Variants in UNC5D observed in about 807,000 individuals in gnomAD.
The protein encoded by UNC5D is netrin receptor UNC5D.
Under a neutral mutation model 105.4 loss-of-function variants are expected in UNC5D, and 39 were observed. The observed-to-expected ratio is 0.37, with a 90% CI of 0.29 to 0.48. The LOEUF (loss-of-function observed/expected upper bound fraction) is 0.48, where lower values mean the gene tolerates loss of function less well. Ranked by LOEUF, UNC5D falls within the 20% of genes least tolerant of loss-of-function variation. The probability of loss-of-function intolerance (pLI) is 0.98; values close to 1 mark genes in which losing one functional copy is unlikely to be tolerated. For synonymous variants in UNC5D, 452 were observed against 450.4 expected (o/e 1.00, Z -0.04); for missense variants, 991 against 1,202.4 (o/e 0.82, Z 2.60).
chr8:35,321,644 G>A (rs7824855), intron 1 of UNC5D, among the ~76,000 whole-genome samples: 68,568 of 151,994 alleles, frequency 0.45, 15,895 homozygotes, highest in East Asian at 0.7. Flanking sequence ...TACAAATACA[G>A]TCCTCTTGAG....
intron 1 of UNC5D, among the ~76,000 whole-genome samples, chr8:35,493,510 C>G (rs1484359163): frequency 6.6e-6 from 1 of 151,900 alleles, no homozygotes; most frequent in Non-Finnish European, 1.5e-5. Flanking sequence ...TTGGTCATGT[C>G]TTTGTAATTG....
chr8:35,281,986 A>G (rs1806218324), intron 1 of UNC5D, among the ~76,000 whole-genome samples: 1 of 152,178 alleles, frequency 6.6e-6, no homozygotes, highest in Non-Finnish European at 1.5e-5. Flanking sequence ...TTATTCTTTT[A>G]GGCACTAAAA....
At chr8:35,518,438 C>T (rs924133035) in intron 1 of UNC5D, among the ~76,000 whole-genome samples, 1 of 151,042 alleles carries the variant, frequency 6.6e-6, no homozygotes, top group Non-Finnish European at 1.5e-5. Context: ...AGAATATATC[C>T]TTCTGCAACA....
At chr8:35,538,183 G>A (rs995126075) in intron 1 of UNC5D, among the ~76,000 whole-genome samples, 1 of 151,688 alleles carries the variant, frequency 6.6e-6, no homozygotes, top group African/African-American at 2.4e-5. Flanking sequence ...AGGAGAATCG[G>A]CTATAAGCAA....
At chr8:35,595,256 C>T (rs1452002508) in intron 3 of UNC5D, among the ~76,000 whole-genome samples, 1 of 152,084 alleles carries the variant, frequency 6.6e-6, no homozygotes, top group Admixed American at 6.6e-5. Flanking sequence ...ATAATGCTGG[C>T]AAAGACTCAT....
rs201631582 is a variant in UNC5D at position 35,733,091 on chromosome 8, G to GA, written c.1766+2006dup. Among the ~76,000 whole-genome samples, 153 of 147,090 alleles carry GA rather than the reference G, an allele frequency of 1.0e-3. 2 individuals carry two copies. The highest frequency in any genetic ancestry group is 2.9e-3 in the African/African-American group (117 of 40,392). On this transcript the variant is annotated intron_variant, in intron 11 of 16. Coordinates refer to ENST00000404895, the MANE Select transcript of UNC5D (RefSeq NM_080872.4). The stretch of plus-strand genomic sequence containing the variant: ...TGAATTTTTCTCTCTACTAAACTGT[G>GA]AAAAAAAAAAATTACAGGAAGCCGC...
At chr8:35,431,951 A>G in intron 1 of UNC5D, among the ~76,000 whole-genome samples, 1 of 152,184 alleles carries the variant, frequency 6.6e-6, no homozygotes, top group East Asian at 1.9e-4. Context: ...TTCATAAGTT[A>G]CAGTTAACTT....
intron 1 of UNC5D, among the ~76,000 whole-genome samples, chr8:35,482,793 CTTTTTT>C (rs5890816): frequency 1.5e-3 from 117 of 78,140 alleles, no homozygotes; most frequent in African/African-American, 5.7e-3. Flanking sequence ...TTAAAGAGAT[CTTTTTT>C]TTTTTTTTTT....
chr8:35,661,698 T>G (rs555818998), intron 4 of UNC5D, among the ~76,000 whole-genome samples: 1 of 152,330 alleles, frequency 6.6e-6, no homozygotes, highest in African/African-American at 2.4e-5. Flanking sequence ...TCCTGTCAGC[T>G]TGGAGAAAAG....
intron 1 of UNC5D, among the ~76,000 whole-genome samples, chr8:35,445,483 T>C (rs1329234419): frequency 6.6e-6 from 1 of 152,112 alleles, no homozygotes; most frequent in African/African-American, 2.4e-5. Flanking sequence ...GTTAATTTAT[T>C]TAAATTATGG....
intron 14 of UNC5D, 118 bp downstream of exon 14, chr8:35,759,587 A>T: frequency 8.5e-7 from 1 of 1,174,022 alleles, no homozygotes; most frequent in Non-Finnish European, 1.2e-6. Context: ...ATTTCACCTC[A>T]AAACTGTCAC....
At chr8:35,776,324 A>G (rs1802242576) in intron 16 of UNC5D, among the ~76,000 whole-genome samples, 1 of 152,228 alleles carries the variant, frequency 6.6e-6, no homozygotes, top group East Asian at 1.9e-4. Context: ...TAATTGTCAC[A>G]AAATACCTGT....
At chr8:35,320,166 A>T (rs1809617121) in intron 1 of UNC5D, among the ~76,000 whole-genome samples, 1 of 151,772 alleles carries the variant, frequency 6.6e-6, no homozygotes, top group East Asian at 1.9e-4. Flanking sequence ...TATATGTAAG[A>T]TGTATATTGG....
In UNC5D at chr8:35,526,018, C is replaced by T. The variant is rs185254656; in HGVS notation, c.104-23274C>T. Among the ~76,000 whole-genome samples, 949 of 152,246 alleles carry T rather than the reference C, an allele frequency of 6.2e-3. 8 individuals are homozygous for T. Among genetic ancestry groups the T allele is most frequent in the African/African-American group, 0.022 (900 of 41,550 alleles). On this transcript the variant is annotated intron_variant, in intron 1 of 16. Transcript: ENST00000404895. ...TCTCACTAAGCATTACATTCTTCTG[C>T]GATTCACTGCAGTGTGACACTGGCC...
At chr8:35,679,929 A>G (rs1408716194) in intron 4 of UNC5D, among the ~76,000 whole-genome samples, 2 of 152,194 alleles carry the variant, frequency 1.3e-5, no homozygotes, top group African/African-American at 2.4e-5. Context: ...CTCCCTGCAG[A>G]GTCCAGAGGT....
chr8:35,514,403 G>A (rs1211794471), intron 1 of UNC5D, among the ~76,000 whole-genome samples: 1 of 152,192 alleles, frequency 6.6e-6, no homozygotes, highest in Non-Finnish European at 1.5e-5. Context: ...AATGCCAAGT[G>A]ATCTATCTCT....
chr8:35,495,458 CAAAAAAAA>C (rs71547636), intron 1 of UNC5D, among the ~76,000 whole-genome samples: 7 of 44,630 alleles, frequency 1.6e-4, no homozygotes, highest in African/African-American at 6.1e-4. Context: ...ACAACAACAA[CAAAAAAAA>C]AAAAAAAAAA....
intron 1 of UNC5D, among the ~76,000 whole-genome samples, chr8:35,377,392 T>A (rs1356848805): frequency 6.6e-6 from 1 of 152,128 alleles, no homozygotes; most frequent in Non-Finnish European, 1.5e-5. Flanking sequence ...TGAGCACAGC[T>A]CTCCTGGAAA....
chr8:35,423,035 G>A (rs1048101839), intron 1 of UNC5D, among the ~76,000 whole-genome samples: 2 of 152,176 alleles, frequency 1.3e-5, no homozygotes, highest in Admixed American at 6.5e-5. Flanking sequence ...TCCAGGTTTT[G>A]TACTTGTCCT....
Sources: allele counts gnomAD v4.1 joint callset (sites outside exome capture counted in the v4.1 genomes callset), GRCh38; gene constraint gnomAD v4.1.1; transcripts MANE v1.5; gene names NCBI Gene and HGNC (gene_info 2026-07-23, HGNC 2026-07-21).